Variants in HLTF observed in about 807,000 individuals in gnomAD.
The protein encoded by HLTF is helicase like transcription factor.
A neutral mutation model predicts 129.4 loss-of-function variants in HLTF; 127 were observed. The ratio of observed to expected loss-of-function variants is 0.98; its 90% CI spans 0.85 to 1.14. The LOEUF (loss-of-function observed/expected upper bound fraction) is 1.14. Ranked by LOEUF, HLTF falls within the 50% of genes most tolerant of loss-of-function variation. HLTF has a pLI of 0.00. For missense variants in HLTF, 1,139 were observed against 1,187.1 expected (o/e 0.96, Z 0.60); for synonymous variants, 332 against 388.8 (o/e 0.85, Z 1.72).
chr3:149,064,844 G>A lies in HLTF; in HGVS notation c.1013C>T (p.Ser338Phe). 6.3e-7 allele frequency: 1 copy of A among 1,596,490 alleles called. No homozygotes were observed. Among genetic ancestry groups the A allele is most frequent in the Non-Finnish European group, 8.6e-7 (1 of 1,164,690 alleles). The change falls in exon 9 of 25, where the codon TCT (serine) becomes TTT (phenylalanine). Residue 338 changes from serine (S) to phenylalanine (F), a missense_variant. By Grantham distance (155) the Ser-to-Phe change is radical. Transcript: ENST00000310053. ...LKKEYNVNDD[S>F]MKLGGNNTSE... ...GGTATTGTTTCCTCCAAGTTTCATA[G>A]AGTCATCGTTAACATTATATTCCTG...
chr3:149,054,673 G>A lies in HLTF; in HGVS notation c.1473+630C>T, dbSNP rs574593031. Among the ~76,000 whole-genome samples the A allele has an allele frequency of 3.3e-5, 5 of 152,092 alleles. No individual in the cohort carries two copies. The East Asian group carries it at 9.6e-4, about 29-fold the overall frequency. ...GTTCCATTCCAATGTCAATGTTTCAGAACAGAAAAGCAATCTGGAAAAAAA... is the reference window on the plus strand; with the variant it reads ...GTTCCATTCCAATGTCAATGTTTCAAAACAGAAAAGCAATCTGGAAAAAAA... On this transcript the variant is annotated intron_variant, in intron 14 of 24. Transcript: ENST00000310053.
At chr3:149,072,734 CA>C (rs1165804140) in intron 5 of HLTF, among the ~76,000 whole-genome samples, 1 of 151,992 alleles carries the variant, frequency 6.6e-6, no homozygotes, top group Non-Finnish European at 1.5e-5. Flanking sequence ...ATACAAACAT[CA>C]AAAAAGTTTT....
At chr3:149,073,165 A>C (rs1297270800) in intron 5 of HLTF, 60 bp downstream of exon 5, 16 of 1,148,220 alleles carry the variant, frequency 1.4e-5, no homozygotes, top group Non-Finnish European at 2.0e-5. Flanking sequence ...TGTTCTTTTA[A>C]ATACAAACCT....
chr3:149,032,332 A>G lies in HLTF; in HGVS notation c.2918T>C (p.Ile973Thr). Residue 973 changes from isoleucine (I) to threonine (T), a missense_variant, in exon 25 of 25, where the codon ATA (isoleucine) becomes ACA (threonine). Physicochemically the swap from Ile to Thr is moderately conservative, Grantham distance 89. Coordinates refer to ENST00000310053, the MANE Select transcript of HLTF (RefSeq NM_003071.4). ...TGCAAGTTCTCTCTTTTTGTTTTGTATTTTCAGCATATTTTCTTCAACAGA... is the reference window on the plus strand; with the variant it reads ...TGCAAGTTCTCTCTTTTTGTTTTGTGTTTTCAGCATATTTTCTTCAACAGA... ...KDSVEENMLKIQNKKRELAAG... is the reference protein window; with the variant it reads ...KDSVEENMLKTQNKKRELAAG... 1 of 1,587,524 alleles carries G rather than the reference A, an allele frequency of 6.3e-7. No homozygotes were observed. Among genetic ancestry groups the G allele is most frequent in the East Asian group, 2.3e-5 (1 of 43,882 alleles).
In HLTF at chr3:149,071,627, C is replaced by A; in HGVS notation, c.658G>T (p.Asp220Tyr). The A allele has an allele frequency of 6.3e-7, 1 of 1,595,070 alleles. No homozygotes were observed. Among genetic ancestry groups the A allele is most frequent in the Non-Finnish European group, 8.6e-7 (1 of 1,166,438 alleles). The change falls in exon 6 of 25, where the codon GAT becomes TAT. Residue 220 changes from aspartate to tyrosine, a missense_variant. Asp to Tyr is a radical substitution (Grantham distance 160). Coordinates refer to ENST00000310053, the MANE Select transcript of HLTF (RefSeq NM_003071.4). ...TGGGTTTTATCATCTTCTTTTAAAT[C>A]TTCAAACAATTTGTCAAATTCTGTT... ...LKTEFDKLFE[D>Y]LKEDDKTHEM...
In HLTF at chr3:149,046,228, G is replaced by A; in HGVS notation, c.1924C>T (p.Leu642Phe). 6.3e-7 allele frequency: 1 copy of A among 1,590,032 alleles called. No individual in the cohort carries two copies. Among genetic ancestry groups the A allele is most frequent in the Non-Finnish European group, 8.6e-7 (1 of 1,163,908 alleles). Residue 642 changes from leucine to phenylalanine, a missense_variant, in exon 18 of 25, where the codon CTT becomes TTT. Leu to Phe is a conservative substitution (Grantham distance 22). Transcript: ENST00000310053. ...ATTTTGCTTGTCTTTGTTCTTCTAA[G>A]TGTAATATTTTTAATTAGGGACTGT... is the stretch of plus-strand genomic sequence containing the variant. ...RLQSLIKNIT[L>F]RRTKTSKIKG...
Position 149,063,812 on chromosome 3 carries a change from A to T in HLTF, c.1067-288T>A, listed in dbSNP as rs538168378. The stretch of plus-strand genomic sequence containing the variant: ...TACCAAGGCAGCTAAGAGCTATTGG[A>T]AAAAAAAATCAACAGAACCACAAAT... On this transcript the variant is annotated intron_variant, in intron 9 of 24. Transcript: ENST00000310053. 4.0e-5 allele frequency among the ~76,000 whole-genome samples: 6 copies of T among 151,830 alleles called. No individual in the cohort carries two copies. In the East Asian group the frequency reaches 9.7e-4, roughly 24 times the overall value.
At chr3:149,050,641 CAAT>C (rs1360995458) in intron 14 of HLTF, among the ~76,000 whole-genome samples, 1 of 152,090 alleles carries the variant, frequency 6.6e-6, no homozygotes, top group Non-Finnish European at 1.5e-5. Context: ...TTATTGAAAA[CAAT>C]AATGAGTTTT....
At chr3:149,034,881 T>A (rs1325250934) in intron 24 of HLTF, 37 bp downstream of exon 24, 3 of 1,362,038 alleles carry the variant, frequency 2.2e-6, no homozygotes, top group Non-Finnish European at 3.2e-6. Flanking sequence ...AAAAATCGTA[T>A]CAACCTAGTC....
intron 9 of HLTF, among the ~76,000 whole-genome samples, chr3:149,064,530 A>T (rs1718195002): frequency 6.6e-6 from 1 of 152,172 alleles, no homozygotes; most frequent in Non-Finnish European, 1.5e-5. Flanking sequence ...CCCTTTCATG[A>T]GATTTTTTTT....
At chr3:149,085,998 C>T (rs1720358555) in intron 1 of HLTF, among the ~76,000 whole-genome samples, 2 of 152,266 alleles carry the variant, frequency 1.3e-5, no homozygotes, top group South Asian at 4.1e-4. Context: ...CTCCACCGAG[C>T]ACAATGCCTG....
intron 13 of HLTF, among the ~76,000 whole-genome samples, chr3:149,056,010 T>C (rs762019305): frequency 1.3e-5 from 2 of 152,228 alleles, no homozygotes; most frequent in Admixed American, 6.5e-5. Flanking sequence ...AGTGAGGATC[T>C]GAAGACTACA....
chr3:149,052,625 C>T (rs1177603235), intron 14 of HLTF, among the ~76,000 whole-genome samples: 2 of 152,086 alleles, frequency 1.3e-5, no homozygotes. Context: ...AAGCAAAAAC[C>T]AGACTACCAA....
At chr3:149,063,627 T>G (rs1248338656) in intron 9 of HLTF, 103 bp from the exon 10 acceptor site, 1 of 664,522 alleles carries the variant, frequency 1.5e-6, no homozygotes, top group South Asian at 1.8e-5. Flanking sequence ...ATTTTCAGTT[T>G]TCTTAAGATC....
Position 149,030,605 on chromosome 3 carries a change from A to G in HLTF, c.*1615T>C, listed in dbSNP as rs1459961930. On this transcript the variant is annotated 3_prime_UTR_variant, in exon 25 of 25. Coordinates refer to ENST00000310053, the MANE Select transcript of HLTF (RefSeq NM_003071.4). ...TGAAGTATTGCTATATGGAGAACCCATACTCTGATCAACTTGATTTTTTGT... is the reference window on the plus strand; with the variant it reads ...TGAAGTATTGCTATATGGAGAACCCGTACTCTGATCAACTTGATTTTTTGT... 6.6e-6 allele frequency: 1 copy of G among 152,208 alleles called. No individual in the cohort carries two copies. The highest frequency in any genetic ancestry group is 1.9e-4 in the East Asian group (1 of 5,196). 9.4% of individuals were successfully genotyped at this position (152,208 alleles called of 1,614,324 possible).
chr3:149,055,868 T>C (rs1717388957), intron 13 of HLTF, among the ~76,000 whole-genome samples: 1 of 152,212 alleles, frequency 6.6e-6, no homozygotes. Flanking sequence ...CTGAGATAGA[T>C]TACAAAAGAA....
At chr3:149,058,498 C>A (rs1717664115) in intron 13 of HLTF, among the ~76,000 whole-genome samples, 1 of 152,054 alleles carries the variant, frequency 6.6e-6, no homozygotes, top group Non-Finnish European at 1.5e-5. Flanking sequence ...GGTCTTTTTC[C>A]AATTGTTTGG....
At position 149,034,043 on chromosome 3, in the gene HLTF, G is replaced by T. The variant is rs186723924; in HGVS notation, c.2877+875C>A. On this transcript the variant is annotated intron_variant, in intron 24 of 24. Coordinates refer to ENST00000310053, the MANE Select transcript of HLTF (RefSeq NM_003071.4). ...ATTTGTACCATAACTATGAGAACTG[G>T]ACAGAAGATATAAATAATTCACAGA... Among the ~76,000 whole-genome samples, 5 of 152,138 alleles carry T rather than the reference G, an allele frequency of 3.3e-5. No homozygotes were observed. The East Asian group carries it at 9.6e-4, about 29-fold the overall frequency.
chr3:149,036,233 G>GT (rs1268848518), intron 23 of HLTF, among the ~76,000 whole-genome samples: 1 of 151,346 alleles, frequency 6.6e-6, no homozygotes, highest in Admixed American at 6.6e-5. Context: ...CTGGTAAGTG[G>GT]TTTTTAAATA....
Sources: allele counts gnomAD v4.1 joint callset (sites outside exome capture counted in the v4.1 genomes callset), GRCh38; gene constraint gnomAD v4.1.1; transcripts MANE v1.5; gene names NCBI Gene and HGNC (gene_info 2026-07-23, HGNC 2026-07-21).